RBM44: variants seen among roughly 807,000 people sequenced by gnomAD.
The protein encoded by RBM44 is RNA binding motif protein 44, also known as RNA-binding protein 44.
RBM44 carries 66 observed loss-of-function variants against 105.1 expected under a neutral mutation model. The observed-to-expected ratio is 0.63, with a 90% CI of 0.52 to 0.77. The LOEUF is 0.77. RBM44 is among the 30% of genes least tolerant of loss of function. RBM44 has a pLI of 0.00. For missense variants in RBM44, 1,122 were observed against 1,207.8 expected (o/e 0.93, Z 1.05); for synonymous variants, 365 against 417.6 (o/e 0.87, Z 1.54).
rs767603995 is a variant in RBM44, at chr2:237,817,141, G to A, written c.222G>A (p.Met74Ile). The stretch of plus-strand genomic sequence containing the variant: ...AAGAAATCAGCAATATTGACAAAAT[G>A]GATTTATTAGAGCCATTTTTTTCAG... ...NNKEISNIDK[M>I]DLLEPFFSVS... is the part of the protein sequence containing the mutation. Residue 74 changes from methionine to isoleucine, a missense_variant, in exon 3 of 16, where the codon ATG becomes ATA. Transcript: ENST00000316997. 30 of 1,607,936 alleles carry A rather than the reference G, an allele frequency of 1.9e-5. 1 individual carries two copies. The South Asian group carries it at 3.3e-4, about 18-fold the overall frequency.
chr2:237,809,270 A>C (rs956900021), intron 1 of RBM44, among the ~76,000 whole-genome samples: 2 of 152,144 alleles, frequency 1.3e-5, no homozygotes, highest in Non-Finnish European at 2.9e-5. Flanking sequence ...TACTTTATGC[A>C]TTAGGTCTAT....
rs1259812820 is a variant in RBM44, at chr2:237,841,383, A to G, written c.*23-456A>G. Among the ~76,000 whole-genome samples, 3 of 152,174 alleles carry G rather than the reference A, an allele frequency of 2.0e-5. No individual in the cohort carries two copies. The highest frequency in any genetic ancestry group is 7.2e-5 in the African/African-American group (3 of 41,450). On this transcript the variant is annotated intron_variant, in intron 15 of 15. Transcript: ENST00000316997. This position sits in a 1 kb window ranked among gnomAD's most constrained non-coding sequence, Gnocchi z 4.5. ...GCTAAACTTTGAGTACACATGGACA[A>G]AGAAGGGAACAGCAGACACTGCAGC... is the stretch of plus-strand genomic sequence containing the variant.
chr2:237,811,424 A>G (rs2061656745), intron 1 of RBM44, among the ~76,000 whole-genome samples: 1 of 152,018 alleles, frequency 6.6e-6, no homozygotes, highest in African/African-American at 2.4e-5. Context: ...GCAAGCCACC[A>G]TGCCTGGCTA....
At chr2:237,805,910 G>A (rs367714797) in intron 1 of RBM44, among the ~76,000 whole-genome samples, 10 of 152,146 alleles carry the variant, frequency 6.6e-5, no homozygotes, top group African/African-American at 1.9e-4. Context: ...AGCCTGGGAG[G>A]TCAAGGCTGC....
rs750596353 is a variant in RBM44, at chr2:237,818,083, G to A, written c.1164G>A (p.Ser388=). The change falls in exon 3 of 16, where the codon TCG becomes TCA. Residue 388 remains serine (S), a synonymous_variant. Transcript: ENST00000316997. The surrounding 1 kb of genome is among the most constrained non-coding windows in gnomAD (Gnocchi z 4.6). The part of the protein sequence containing the change: ...QTSWTSVFDD[S]IISACGYYES... ...CCTGGACCTCTGTTTTTGATGATTC[G>A]ATAATTTCTGCCTGTGGATATTATG... The A allele has an allele frequency of 2.5e-5, 40 of 1,612,422 alleles. No homozygotes were observed. Among genetic ancestry groups the A allele is most frequent in the African/African-American group, 1.7e-4 (13 of 74,878 alleles).
Position 237,818,054 on chromosome 2 carries a change from A to T in RBM44, c.1135A>T (p.Thr379Ser). The T allele has an allele frequency of 6.2e-7, 1 of 1,613,012 alleles. No individual in the cohort carries two copies. Among genetic ancestry groups the T allele is most frequent in the Middle Eastern group, 1.7e-4 (1 of 6,052 alleles). The change falls in exon 3 of 16, where the codon ACT becomes TCT. Residue 379 changes from threonine (T) to serine (S), a missense_variant. Thr to Ser is a moderately conservative substitution (Grantham distance 58). Around this residue, in one of 3 missense-constraint regions of RBM44, gnomAD observed 918 missense variants for 955.3 expected, o/e 0.96. Coordinates refer to ENST00000316997, the MANE Select transcript of RBM44 (RefSeq NM_001080504.3). This position sits in a 1 kb window ranked among gnomAD's most constrained non-coding sequence, Gnocchi z 4.6. ...ACTCCAACCCTGTAAAGATTGTCAA[A>T]CTTCCTGGACCTCTGTTTTTGATGA... is the stretch of plus-strand genomic sequence containing the variant. The part of the protein sequence containing the change: ...TLLQPCKDCQ[T>S]SWTSVFDDSI...
At position 237,803,361 on chromosome 2, in the gene RBM44, T is replaced by TCA. The variant is rs150780739; in HGVS notation, c.-19+4515_-19+4516dup. ...CACACACACATACTTTCTCTCTCAC[T>TCA]CACACACACACACACAAATTTTAAG... is the stretch of plus-strand genomic sequence containing the variant. On this transcript the variant is annotated intron_variant, in intron 1 of 15. Transcript: ENST00000316997. This position sits in a 1 kb window ranked among gnomAD's most constrained non-coding sequence, Gnocchi z 4.2. Among the ~76,000 whole-genome samples the TCA allele has an allele frequency of 2.1e-4, 30 of 146,276 alleles. No individual in the cohort carries two copies. The highest frequency in any genetic ancestry group is 1.7e-3 in the East Asian group (8 of 4,828).
In RBM44 at chr2:237,841,563, G is replaced by A. The variant is rs537371567; in HGVS notation, c.*23-276G>A. Among the ~76,000 whole-genome samples the A allele has an allele frequency of 6.6e-6, 1 of 152,152 alleles. No homozygotes were observed. The highest frequency in any genetic ancestry group is 6.5e-5 in the Admixed American group (1 of 15,276). On this transcript the variant is annotated intron_variant, in intron 15 of 15. Coordinates refer to ENST00000316997, the MANE Select transcript of RBM44 (RefSeq NM_001080504.3). The surrounding 1 kb of genome is among the most constrained non-coding windows in gnomAD (Gnocchi z 4.5). ...ATAACGAACCTGCACATATGCCCCT[G>A]AAACTAAAACAGAAGTTTAAAATAA...
At chr2:237,816,275 C>T (rs1255880018) in intron 2 of RBM44, among the ~76,000 whole-genome samples, 2 of 152,052 alleles carry the variant, frequency 1.3e-5, no homozygotes, top group African/African-American at 4.8e-5. Context: ...TGTGTGCTTA[C>T]CTTATGACCC....
chr2:237,807,180 G>A (rs946591168), intron 1 of RBM44, among the ~76,000 whole-genome samples: 9 of 152,048 alleles, frequency 5.9e-5, no homozygotes, highest in Non-Finnish European at 1.3e-4. Context: ...ATGGAATCTC[G>A]CTCTGTTGCC....
intron 8 of RBM44, among the ~76,000 whole-genome samples, chr2:237,822,786 C>A (rs539742067): frequency 6.6e-6 from 1 of 151,948 alleles, no homozygotes; most frequent in South Asian, 2.1e-4. Context: ...GGCTACAAAA[C>A]AATATTGATT....
At chr2:237,813,405 T>C (rs2061678489) in intron 1 of RBM44, among the ~76,000 whole-genome samples, 187 bp from the exon 2 acceptor site, 1 of 152,182 alleles carries the variant, frequency 6.6e-6, no homozygotes, top group Non-Finnish European at 1.5e-5. Flanking sequence ...TCGACATAAA[T>C]AGGGTGATAT....
intron 1 of RBM44, among the ~76,000 whole-genome samples, chr2:237,799,573 T>C (rs570487765): frequency 2.0e-5 from 3 of 152,268 alleles, no homozygotes; most frequent in South Asian, 2.1e-4. Flanking sequence ...TCCAGAGTGC[T>C]GGGATTACAG....
intron 15 of RBM44, among the ~76,000 whole-genome samples, chr2:237,839,795 A>G (rs141517274): frequency 2.7e-4 from 41 of 152,352 alleles, no homozygotes; most frequent in African/African-American, 8.4e-4. Context: ...ATTAGACTTC[A>G]TCAAAATCAA....
chr2:237,816,892 TC>T (rs2061723577), intron 2 of RBM44, 100 bp from the exon 3 acceptor site: 10 of 680,102 alleles, frequency 1.5e-5, no homozygotes, highest in Non-Finnish European at 2.3e-5. Context: ...TAAATTGTAA[TC>T]CCGCATTGGG....
chr2:237,825,508 A>G (rs1482166520), intron 10 of RBM44, among the ~76,000 whole-genome samples: 1 of 152,200 alleles, frequency 6.6e-6, no homozygotes, highest in East Asian at 1.9e-4. Context: ...ACCCAGCCCC[A>G]TATCATCTAG....
At chr2:237,821,712 G>A (rs956422884) in intron 7 of RBM44, 31 bp from the exon 8 acceptor site, 6 of 1,448,886 alleles carry the variant, frequency 4.1e-6, no homozygotes, top group Non-Finnish European at 5.8e-6. Flanking sequence ...TCAAACATTA[G>A]ATCATATTTC....
rs750163900 is a variant in RBM44 at position 237,824,349 on chromosome 2, A to G, written c.2379A>G (p.Thr793=). Residue 793 remains threonine (T), a synonymous_variant, in exon 10 of 16, where the codon ACA becomes ACG. Coordinates refer to ENST00000316997, the MANE Select transcript of RBM44 (RefSeq NM_001080504.3). ...EDWSDAKESL[T]GVDVSGTQGN... ...GGTCTGATGCTAAAGAGAGCCTGAC[A>G]GGAGTTGACGTCTCAGGGACACAGG... 6.2e-7 allele frequency: 1 copy of G among 1,613,030 alleles called. No individual in the cohort carries two copies. The highest frequency in any genetic ancestry group is 8.5e-7 in the Non-Finnish European group (1 of 1,179,238).
intron 10 of RBM44, among the ~76,000 whole-genome samples, chr2:237,825,209 G>A (rs902777246): frequency 1.3e-5 from 2 of 151,698 alleles, no homozygotes; most frequent in Admixed American, 6.6e-5. Context: ...ATCTAGTTTT[G>A]GGGTTTTGTT....
Sources: allele counts gnomAD v4.1 joint callset (sites outside exome capture counted in the v4.1 genomes callset), GRCh38; gene constraint gnomAD v4.1.1; regional missense constraint gnomAD v4.1.1; non-coding constraint Gnocchi (gnomAD v3.1); transcripts MANE v1.5; gene names NCBI Gene and HGNC (gene_info 2026-07-23, HGNC 2026-07-21).